PTPRJ: variants seen among roughly 807,000 people sequenced by gnomAD.
The protein encoded by PTPRJ is receptor-type tyrosine-protein phosphatase eta.
In PTPRJ, 129 loss-of-function variants were observed where a neutral mutation model predicts 141.3. The observed-to-expected ratio is 0.91, with a 90% CI of 0.79 to 1.06. PTPRJ has a LOEUF of 1.06. PTPRJ is among the 50% of genes least tolerant of loss of function. PTPRJ has a pLI of 0.00. For synonymous variants in PTPRJ, 610 were observed against 640.5 expected (o/e 0.95, Z 0.72); for missense variants, 1,601 against 1,679.7 (o/e 0.95, Z 0.82).
intron 1 of PTPRJ, among the ~76,000 whole-genome samples, chr11:48,002,338 A>T (rs895774046): frequency 6.6e-6 from 1 of 151,924 alleles, no homozygotes; most frequent in Admixed American, 6.6e-5. Context: ...GGGTTTCACC[A>T]TGTTGGCCAG....
chr11:48,119,122 A>G (rs768698322), intron 3 of PTPRJ, among the ~76,000 whole-genome samples: 1 of 151,626 alleles, frequency 6.6e-6, no homozygotes, highest in Non-Finnish European at 1.5e-5. Flanking sequence ...TGGGACATGG[A>G]CGGCCTCTCA....
At chr11:48,156,194 A>G (rs1857594931) in intron 21 of PTPRJ, 75 bp downstream of exon 21, 2 of 1,312,772 alleles carry the variant, frequency 1.5e-6, no homozygotes, top group African/African-American at 1.5e-5. Flanking sequence ...GGTATCTTAA[A>G]AACCATTTGT....
chr11:48,144,634 C>T (rs1325282092), intron 12 of PTPRJ, 41 bp from the exon 13 acceptor site: 2 of 1,498,910 alleles, frequency 1.3e-6, no homozygotes, highest in Non-Finnish European at 1.9e-6. Context: ...ATCTCTCTGC[C>T]ATCACTTTCT....
At chr11:48,146,809 G>C in intron 14 of PTPRJ, 67 bp from the exon 15 acceptor site, 1 of 1,380,700 alleles carries the variant, frequency 7.2e-7, no homozygotes, top group Non-Finnish European at 1.0e-6. Context: ...TCCCAGGCCA[G>C]TTTTTAGCAC....
chr11:48,036,779 C>T (rs1854135618), intron 1 of PTPRJ, among the ~76,000 whole-genome samples: 1 of 152,186 alleles, frequency 6.6e-6, no homozygotes, highest in Non-Finnish European at 1.5e-5. Context: ...GTGAGTTCTC[C>T]TGTCTTTTTT....
intron 1 of PTPRJ, among the ~76,000 whole-genome samples, chr11:47,995,122 C>A (rs1854298954): frequency 6.6e-6 from 1 of 152,088 alleles, no homozygotes; most frequent in South Asian, 2.1e-4. Flanking sequence ...AGTTTGTTTT[C>A]AAAATTTTTT....
chr11:48,098,198 A>G (rs1856063465), intron 1 of PTPRJ, among the ~76,000 whole-genome samples: 1 of 152,218 alleles, frequency 6.6e-6, no homozygotes, highest in African/African-American at 2.4e-5. Context: ...CAGGCCCTGA[A>G]AATCCCATTA....
At chr11:48,109,572 A>G (rs1418972626) in intron 1 of PTPRJ, among the ~76,000 whole-genome samples, 1 of 152,182 alleles carries the variant, frequency 6.6e-6, no homozygotes, top group African/African-American at 2.4e-5. Flanking sequence ...AATCCCAAAC[A>G]CAGTGGATTT....
intron 1 of PTPRJ, among the ~76,000 whole-genome samples, chr11:48,076,239 C>CT (rs1855398087): frequency 6.6e-6 from 1 of 152,196 alleles, no homozygotes; most frequent in African/African-American, 2.4e-5. Flanking sequence ...CAGGGCCTGA[C>CT]TGTAGTAGCT....
intron 1 of PTPRJ, among the ~76,000 whole-genome samples, chr11:48,033,438 G>C (rs767171495): frequency 1.6e-4 from 24 of 152,270 alleles, no homozygotes; most frequent in Middle Eastern, 3.4e-3. Flanking sequence ...GTGGGACGGG[G>C]TAAGATCACC....
Position 48,168,534 on chromosome 11 carries a change from GTATATATATATATATATA to G in PTPRJ, c.*1203_*1220del, listed in dbSNP as rs71045551. 7 of 44,074 alleles carry G rather than the reference GTATATATATATATATATA, an allele frequency of 1.6e-4. No individual in the cohort carries two copies. Among genetic ancestry groups the G allele is most frequent in the South Asian group, 8.2e-4 (1 of 1,216 alleles). The allele number at this position is 44,074 out of a possible 1,614,324, so 2.7% of individuals were successfully genotyped here. ...CGTGACACATATCGGAATCTACTGTGTATATATATATATATATATATATATATATATATATATATATAT... is the reference window on the plus strand; with the variant it reads ...CGTGACACATATCGGAATCTACTGTGTATATATATATATATATATATATAT... On this transcript the variant is annotated 3_prime_UTR_variant, in exon 25 of 25. Transcript: ENST00000418331.
In PTPRJ at chr11:48,121,274, G is replaced by A. The variant is rs1401637254; in HGVS notation, c.616+8G>A. 1 of 1,612,248 alleles carries A rather than the reference G, an allele frequency of 6.2e-7. No individual in the cohort carries two copies. Among genetic ancestry groups the A allele is most frequent in the Admixed American group, 1.7e-5 (1 of 59,948 alleles). On this transcript the variant is annotated splice_region_variant and intron_variant, in intron 4 of 24. Transcript: ENST00000418331. Reference sequence around the variant, plus strand: ...TCATAAAAGTCATCACAGGTAAGATGACTGGCTCCCAGGGATGATGACAAA... The same window carrying A: ...TCATAAAAGTCATCACAGGTAAGATAACTGGCTCCCAGGGATGATGACAAA...
chr11:48,138,214 G>C (rs1274247216), intron 10 of PTPRJ, among the ~76,000 whole-genome samples: 1 of 152,202 alleles, frequency 6.6e-6, no homozygotes, highest in Non-Finnish European at 1.5e-5. Context: ...GGTGAGTGGG[G>C]TGGCCACAGA....
Position 48,168,505 on chromosome 11 carries a change from C to T in PTPRJ, c.*1143C>T, listed in dbSNP as rs988472798. ...AAAGTCCACTGGCTTTCGTCTCTCTCTGCCGTGACACATATCGGAATCTAC... is the reference window on the plus strand; with the variant it reads ...AAAGTCCACTGGCTTTCGTCTCTCTTTGCCGTGACACATATCGGAATCTAC... On this transcript the variant is annotated 3_prime_UTR_variant, in exon 25 of 25. Coordinates refer to ENST00000418331, the MANE Select transcript of PTPRJ (RefSeq NM_002843.4). The T allele has an allele frequency of 7.4e-6, 1 of 136,020 alleles. No homozygotes were observed. The highest frequency in any genetic ancestry group is 2.8e-5 in the African/African-American group (1 of 35,508). The allele number at this position is 136,020 out of a possible 1,614,324, so 8.4% of individuals were successfully genotyped here.
In PTPRJ at chr11:48,066,603, T is replaced by C. The variant is rs1365320666; in HGVS notation, c.97-43455T>C. Among the ~76,000 whole-genome samples the C allele has an allele frequency of 4.2e-5, 6 of 143,264 alleles. No individual in the cohort carries two copies. The South Asian group carries it at 8.9e-4, about 21-fold the overall frequency. 94.0% of individuals were successfully genotyped at this position (143,264 alleles called of 152,430 possible). On this transcript the variant is annotated intron_variant, in intron 1 of 24. Coordinates refer to ENST00000418331, the MANE Select transcript of PTPRJ (RefSeq NM_002843.4). Reference sequence around the variant, plus strand: ...TTATTATTATTATTATTATTATTATTGAGACTGAGTCTCGCTGTGTCGCCC... The same window carrying C: ...TTATTATTATTATTATTATTATTATCGAGACTGAGTCTCGCTGTGTCGCCC...
At chr11:47,993,791 T>A (rs1268825565) in intron 1 of PTPRJ, among the ~76,000 whole-genome samples, 2 of 152,010 alleles carry the variant, frequency 1.3e-5, no homozygotes, top group Non-Finnish European at 2.9e-5. Flanking sequence ...GGCTGAAGGA[T>A]CCTGATCCCC....
intron 8 of PTPRJ, among the ~76,000 whole-genome samples, chr11:48,134,222 AATT>A (rs1347014404): frequency 4.6e-5 from 7 of 152,192 alleles, no homozygotes; most frequent in African/African-American, 1.7e-4. Context: ...TGTATACTGT[AATT>A]ATTATACAAA....
At chr11:48,160,092 T>C in intron 22 of PTPRJ, 43 bp downstream of exon 22, 1 of 1,601,366 alleles carries the variant, frequency 6.2e-7, no homozygotes, top group Non-Finnish European at 8.6e-7. Flanking sequence ...GTAATTACCA[T>C]ATGTTAATTT....
intron 1 of PTPRJ, among the ~76,000 whole-genome samples, chr11:48,066,324 A>C (rs1191634886): frequency 6.8e-6 from 1 of 146,300 alleles, no homozygotes; most frequent in East Asian, 1.9e-4. Context: ...AAGACTTTCC[A>C]CTTGGAAAGC....
Sources: gnomAD v4.1 joint callset for allele counts (sites outside exome capture counted in the v4.1 genomes callset) on GRCh38, gnomAD v4.1.1 for gene constraint, MANE v1.5 for transcripts, NCBI Gene and HGNC (gene_info 2026-07-23, HGNC 2026-07-21) for gene names.